The following NPSR1 variants were observed in gnomAD, a reference collection of about 807,000 sequenced individuals.
NPSR1 encodes the protein neuropeptide S receptor.
In NPSR1, 48 loss-of-function variants were observed where a neutral mutation model predicts 46.9. That is an observed-to-expected ratio of 1.02 (90% CI 0.81 to 1.30). The LOEUF (loss-of-function observed/expected upper bound fraction) is 1.30. Among genes scored for constraint, NPSR1 ranks in the 50% most tolerant of loss-of-function variants. The pLI, the probability that NPSR1 is intolerant of heterozygous loss-of-function variation, is 0.00. For synonymous variants in NPSR1, 176 were observed against 168.1 expected (o/e 1.05, Z -0.36); for missense variants, 450 against 449.5 (o/e 1.00, Z -0.01).
chr7:34,748,374 A>G (rs1410178852), intron 2 of NPSR1, among the ~76,000 whole-genome samples: 2 of 152,204 alleles, frequency 1.3e-5, no homozygotes, highest in East Asian at 3.9e-4. Flanking sequence ...CACTCAGGCC[A>G]TGCCACAGTC....
intron 2 of NPSR1, among the ~76,000 whole-genome samples, chr7:34,701,625 A>C (rs566470983): frequency 4.6e-5 from 7 of 152,334 alleles, no homozygotes; most frequent in Admixed American, 3.9e-4. Context: ...TATCGAACCT[A>C]GGAGAGTACA....
At chr7:34,675,721 C>A (rs1465810921) in intron 1 of NPSR1, among the ~76,000 whole-genome samples, 1 of 152,214 alleles carries the variant, frequency 6.6e-6, no homozygotes, top group African/African-American at 2.4e-5. Context: ...AGGAACCCTG[C>A]AATTCATCTT....
In NPSR1 at chr7:34,869,861, C is replaced by A. The variant is rs992443109; in HGVS notation, c.1026-8215C>A. Among the ~76,000 whole-genome samples, 14 of 151,794 alleles carry A rather than the reference C, an allele frequency of 9.2e-5. 1 individual carries two copies. Among genetic ancestry groups the A allele is most frequent in the African/African-American group, 3.2e-4 (13 of 41,066 alleles). ...TACCAGCTCATGGAGACCAAGGGTG[C>A]ACATCTCTTCCCTACTCTGCATTCA... On this transcript the variant is annotated intron_variant, in intron 8 of 8. Coordinates refer to the NPSR1 transcript ENST00000359791.
intron 5 of NPSR1, among the ~76,000 whole-genome samples, chr7:34,829,491 A>G (rs917295363): frequency 3.3e-5 from 5 of 152,234 alleles, no homozygotes; most frequent in African/African-American, 7.2e-5. Context: ...GTCAGAGAGC[A>G]TTTGGAAGAA....
At chr7:34,830,935 C>T (rs1272668931) in intron 5 of NPSR1, among the ~76,000 whole-genome samples, 2 of 152,196 alleles carry the variant, frequency 1.3e-5, no homozygotes, top group African/African-American at 2.4e-5. Flanking sequence ...TGCCTGAACA[C>T]TCTGCCAAGC....
rs184731980 is a variant in NPSR1 at position 34,771,437 on chromosome 7, C to T, written c.281-7025C>T. Among the ~76,000 whole-genome samples the T allele has an allele frequency of 5.4e-3, 816 of 152,200 alleles. 3 individuals are homozygous for T. Among genetic ancestry groups the T allele is most frequent in the Non-Finnish European group, 8.8e-3 (600 of 68,008 alleles). On this transcript the variant is annotated intron_variant, in intron 2 of 8. Coordinates refer to ENST00000360581, the MANE Select transcript of NPSR1 (RefSeq NM_207172.2). Reference sequence around the variant, plus strand: ...CCTGAGTGACAGCAATACCCTGTACCACTTCCCCACCAAAAAAGATGCACA... The same window carrying T: ...CCTGAGTGACAGCAATACCCTGTACTACTTCCCCACCAAAAAAGATGCACA...
At chr7:34,803,224 C>T (rs1417887227) in intron 3 of NPSR1, among the ~76,000 whole-genome samples, 1 of 151,868 alleles carries the variant, frequency 6.6e-6, no homozygotes, top group African/African-American at 2.4e-5. Flanking sequence ...TGGGTATTTA[C>T]CCAAAGGACT....
intron 2 of NPSR1, among the ~76,000 whole-genome samples, chr7:34,687,664 T>C (rs1407061206): frequency 1.3e-5 from 2 of 152,178 alleles, no homozygotes; most frequent in African/African-American, 4.8e-5. Flanking sequence ...ATGGGGGTTA[T>C]TACAATTCAA....
At chr7:34,697,154 C>T (rs1793573010) in intron 2 of NPSR1, among the ~76,000 whole-genome samples, 2 of 151,814 alleles carry the variant, frequency 1.3e-5, no homozygotes, top group Middle Eastern at 6.8e-3. Flanking sequence ...TTATACTATT[C>T]TCTCTACTTT....
intron 8 of NPSR1, among the ~76,000 whole-genome samples, chr7:34,860,563 A>C (rs1286605445): frequency 6.6e-6 from 1 of 151,898 alleles, no homozygotes; most frequent in Non-Finnish European, 1.5e-5. Flanking sequence ...AATAGAAGAC[A>C]GATTTTCATA....
chr7:34,761,210 GAAGT>G (rs1375136765), intron 2 of NPSR1: 12 of 152,604 alleles, frequency 7.9e-5, no homozygotes, highest in Non-Finnish European at 1.5e-5. Flanking sequence ...GCAAAGGGAA[GAAGT>G]AAGATTGGGC....
chr7:34,852,427 T>A (rs1790957898), downstream of NPSR1, among the ~76,000 whole-genome samples: 1 of 152,126 alleles, frequency 6.6e-6, no homozygotes. Flanking sequence ...TGGGCATTGA[T>A]GGTCTCATCT....
intron 1 of NPSR1, among the ~76,000 whole-genome samples, chr7:34,661,629 T>C (rs1413382421): frequency 6.6e-6 from 1 of 152,100 alleles, no homozygotes; most frequent in Non-Finnish European, 1.5e-5. Flanking sequence ...TCTAACCTAC[T>C]CTACCTTCCT....
At chr7:34,856,756 C>T (rs762051572) in intron 8 of NPSR1, among the ~76,000 whole-genome samples, 5 of 151,440 alleles carry the variant, frequency 3.3e-5, no homozygotes, top group Non-Finnish European at 7.4e-5. Flanking sequence ...AATGAAAACT[C>T]GGGGAAGGGA....
chr7:34,786,598 T>A (rs563860976), intron 3 of NPSR1, among the ~76,000 whole-genome samples: 104 of 152,298 alleles, frequency 6.8e-4, no homozygotes, highest in African/African-American at 2.4e-3. Flanking sequence ...GGAATTACTA[T>A]CTATGGCAGC....
chr7:34,808,034 T>C (rs1187179312), intron 3 of NPSR1, among the ~76,000 whole-genome samples: 1 of 152,146 alleles, frequency 6.6e-6, no homozygotes, highest in Admixed American at 6.6e-5. Flanking sequence ...ATCCCAGTGA[T>C]TCCCACATGT....
chr7:34,681,156 CCT>C (rs1436114885), intron 1 of NPSR1, among the ~76,000 whole-genome samples: 2 of 152,036 alleles, frequency 1.3e-5, no homozygotes, highest in Admixed American at 6.5e-5. Flanking sequence ...CAAGTTCTGC[CCT>C]GCCTCCATCC....
chr7:34,876,685 A>G (rs1352717324), intron 8 of NPSR1, among the ~76,000 whole-genome samples: 2 of 152,206 alleles, frequency 1.3e-5, no homozygotes, highest in Non-Finnish European at 2.9e-5. Context: ...TTCAAAAGAA[A>G]GACTCTCTAA....
chr7:34,672,905 T>C (rs533042214), intron 1 of NPSR1, among the ~76,000 whole-genome samples: 1 of 152,282 alleles, frequency 6.6e-6, no homozygotes, highest in East Asian at 1.9e-4. Context: ...ATTGAAATAA[T>C]TGGCTTTCAG....
Sources: gnomAD v4.1 joint callset for allele counts (sites outside exome capture counted in the v4.1 genomes callset) on GRCh38, gnomAD v4.1.1 for gene constraint, MANE v1.5 for transcripts, NCBI Gene and HGNC (gene_info 2026-07-23, HGNC 2026-07-21) for gene names.